The following FSTL4 variants were observed in gnomAD, a reference collection of about 807,000 sequenced individuals.
FSTL4 encodes the protein follistatin-related protein 4.
In FSTL4, 28 loss-of-function variants were observed where a neutral mutation model predicts 78.2. The ratio of observed to expected loss-of-function variants is 0.36; its 90% CI spans 0.27 to 0.49. FSTL4 has a LOEUF of 0.49. FSTL4 is among the 20% of genes least tolerant of loss of function. The pLI, the probability that FSTL4 is intolerant of heterozygous loss-of-function variation, is 0.98. For missense variants in FSTL4, 922 were observed against 1,084.9 expected, an observed-to-expected ratio of 0.85 and a Z score of 2.11; for synonymous variants, 422 against 440.5, an observed-to-expected ratio of 0.96 and a Z score of 0.53.
At chr5:133,564,180 T>C (rs769701557) in intron 3 of FSTL4, among the ~76,000 whole-genome samples, 3 of 152,290 alleles carry the variant, frequency 2.0e-5, no homozygotes, top group Non-Finnish European at 2.9e-5. Context: ...GACCTCACTA[T>C]TGGATTAGGG....
intron 3 of FSTL4, among the ~76,000 whole-genome samples, chr5:133,504,264 C>T (rs141886456): frequency 6.6e-6 from 1 of 152,204 alleles, no homozygotes; most frequent in African/African-American, 2.4e-5. Flanking sequence ...GTGAAAAAGG[C>T]AGGAATCTAG....
chr5:133,319,552 G>A (rs867711945), intron 4 of FSTL4, among the ~76,000 whole-genome samples: 73 of 152,328 alleles, frequency 4.8e-4, no homozygotes, highest in Middle Eastern at 6.8e-3. Flanking sequence ...CTGGAGACTG[G>A]TGAAAGCTGG....
the FSTL4 span, among the ~76,000 whole-genome samples, chr5:133,706,649 G>A: frequency 2.6e-5 from 4 of 152,120 alleles, no homozygotes; most frequent in African/African-American, 7.2e-5. Context: ...CCTTTACTGT[G>A]CAAATTACAG....
the FSTL4 span, among the ~76,000 whole-genome samples, chr5:133,642,869 G>T: frequency 6.6e-6 from 1 of 152,240 alleles, no homozygotes; most frequent in Non-Finnish European, 1.5e-5. Context: ...TTACAAGGAG[G>T]AAGTCTTTGG....
At chr5:133,263,994 T>C (rs1752591834) in intron 6 of FSTL4, among the ~76,000 whole-genome samples, 1 of 152,102 alleles carries the variant, frequency 6.6e-6, no homozygotes, top group African/African-American at 2.4e-5. Context: ...TAAAACCCAT[T>C]TGGTATACAT....
chr5:133,412,641 G>T (rs111739256), intron 3 of FSTL4, among the ~76,000 whole-genome samples: 10 of 152,248 alleles, frequency 6.6e-5, no homozygotes, highest in African/African-American at 2.4e-4. Context: ...TAAAGAAAAA[G>T]AACGGTGTCT....
chr5:133,460,327 C>T (rs900040314), intron 3 of FSTL4, among the ~76,000 whole-genome samples: 1 of 152,038 alleles, frequency 6.6e-6, no homozygotes, highest in African/African-American at 2.4e-5. Context: ...GCAACCAAGC[C>T]ACCGGGGGGA....
the FSTL4 span, among the ~76,000 whole-genome samples, chr5:133,728,078 C>A: frequency 1.3e-5 from 2 of 152,158 alleles, no homozygotes; most frequent in Middle Eastern, 3.2e-3. Flanking sequence ...AAGGACAGGG[C>A]CTGTAGAAGA....
intron 3 of FSTL4, among the ~76,000 whole-genome samples, chr5:133,538,550 G>C (rs950405883): frequency 6.6e-6 from 1 of 151,866 alleles, no homozygotes; most frequent in Non-Finnish European, 1.5e-5. Flanking sequence ...TTCCGTATCT[G>C]CTGAGACTTT....
upstream of FSTL4, among the ~76,000 whole-genome samples, chr5:133,614,549 C>T (rs112889295): frequency 4.6e-5 from 7 of 152,294 alleles, no homozygotes; most frequent in African/African-American, 1.4e-4. Context: ...AGGGAAGCAG[C>T]ATCAGATGCC....
intron 7 of FSTL4, among the ~76,000 whole-genome samples, chr5:133,241,053 C>G (rs112033846): frequency 6.6e-6 from 1 of 152,188 alleles, no homozygotes; most frequent in South Asian, 2.1e-4. Flanking sequence ...CTTTGGACAC[C>G]GAGGCCTGGG....
intron 5 of FSTL4, 142 bp downstream of exon 5, chr5:133,316,317 G>T (rs769836160): frequency 4.8e-5 from 30 of 618,814 alleles, no homozygotes; most frequent in Non-Finnish European, 7.7e-5. Context: ...AAAGGTGGCT[G>T]GTGGGAAGAA....
chr5:133,358,796 C>T (rs1755002056), intron 4 of FSTL4, among the ~76,000 whole-genome samples: 1 of 152,018 alleles, frequency 6.6e-6, no homozygotes, highest in South Asian at 2.1e-4. Flanking sequence ...GATGGGGTTT[C>T]ACCAGGTTGG....
chr5:133,776,422 T>G, the FSTL4 span, among the ~76,000 whole-genome samples: 3 of 152,162 alleles, frequency 2.0e-5, no homozygotes, highest in African/African-American at 4.8e-5. Context: ...GTCCTAAAGG[T>G]AGTAATGGTT....
intron 3 of FSTL4, among the ~76,000 whole-genome samples, chr5:133,443,142 G>A (rs974899430): frequency 6.6e-6 from 1 of 152,186 alleles, no homozygotes; most frequent in Non-Finnish European, 1.5e-5. Context: ...GTGTTCATAA[G>A]GTAAGTGTCA....
intron 3 of FSTL4, among the ~76,000 whole-genome samples, chr5:133,419,433 A>G (rs1410707052): frequency 1.3e-5 from 2 of 152,078 alleles, no homozygotes; most frequent in African/African-American, 4.8e-5. Flanking sequence ...ATTCCTTTTT[A>G]TTGCTGAGTA....
intron 3 of FSTL4, among the ~76,000 whole-genome samples, chr5:133,446,497 C>CT (rs1757268381): frequency 6.6e-6 from 1 of 152,200 alleles, no homozygotes; most frequent in Non-Finnish European, 1.5e-5. Context: ...CTGTTCCACA[C>CT]TGTGGGGCTC....
chr5:133,248,570 TTAAGTC>T (rs1457836233), intron 7 of FSTL4: 1 of 152,222 alleles, frequency 6.6e-6, no homozygotes, highest in Non-Finnish European at 1.5e-5. Context: ...TGCCACTTCT[TTAAGTC>T]TAATAGAAGG....
rs1420333124 is a variant in FSTL4 at position 133,236,266 on chromosome 5, T to C, written c.895-2729A>G. Among the ~76,000 whole-genome samples the C allele has an allele frequency of 6.6e-6, 1 of 151,836 alleles. No individual in the cohort carries two copies. The highest frequency in any genetic ancestry group is 1.5e-5 in the Non-Finnish European group (1 of 67,840). On this transcript the variant is annotated intron_variant, in intron 7 of 15. Coordinates refer to ENST00000265342, the MANE Select transcript of FSTL4 (RefSeq NM_015082.2). The surrounding 1 kb of genome is among the most constrained non-coding windows in gnomAD (Gnocchi z 5.0). The stretch of plus-strand genomic sequence containing the variant: ...CATCAGCACCACCACATTCCTCAGG[T>C]TGAGATGGGCCCTGGGCTCTGAGGG...
Sources: allele counts gnomAD v4.1 joint callset (sites outside exome capture counted in the v4.1 genomes callset), GRCh38; gene constraint gnomAD v4.1.1; non-coding constraint Gnocchi (gnomAD v3.1); transcripts MANE v1.5; gene names NCBI Gene and HGNC (gene_info 2026-07-23, HGNC 2026-07-21).